ZNF680: variants seen among roughly 807,000 people sequenced by gnomAD.
ZNF680 encodes hypothetical protein FLJ90430.
ZNF680 carries 6 observed loss-of-function variants against 12.1 expected under a neutral mutation model. The observed-to-expected ratio is 0.49, with a 90% CI of 0.27 to 0.98. ZNF680 has a LOEUF of 0.98. Ranked by LOEUF, ZNF680 falls within the 50% of genes least tolerant of loss-of-function variation. ZNF680 has a pLI of 0.12. For synonymous variants in ZNF680, 170 were observed against 199.3 expected, an observed-to-expected ratio of 0.85 and a Z score of 1.24; for missense variants, 561 against 616.3, an observed-to-expected ratio of 0.91 and a Z score of 0.95.
chr7:64,502,022 T>G, the ZNF680 span, among the ~76,000 whole-genome samples: 2 of 117,882 alleles, frequency 1.7e-5, no homozygotes, highest in Admixed American at 8.4e-5. Context: ...TTTTTTTTCC[T>G]GAGATGGAGT....
intron 3 of ZNF680, among the ~76,000 whole-genome samples, chr7:64,531,612 A>AAC (rs1378829191): frequency 6.6e-6 from 1 of 151,750 alleles, no homozygotes; most frequent in Non-Finnish European, 1.5e-5. Flanking sequence ...AAAAAAAAAA[A>AAC]AAACCTAGAA....
chr7:64,546,578 T>C (rs1159936837), intron 1 of ZNF680, among the ~76,000 whole-genome samples: 1 of 151,938 alleles, frequency 6.6e-6, no homozygotes, highest in Non-Finnish European at 1.5e-5. Flanking sequence ...CCCATCTCTA[T>C]TAAAATACAA....
chr7:64,500,827 G>A, the ZNF680 span: 1 of 402,678 alleles, frequency 2.5e-6, no homozygotes, highest in Non-Finnish European at 5.0e-6. Flanking sequence ...CAAACACAAT[G>A]GCCAGCAATG....
intron 3 of ZNF680, among the ~76,000 whole-genome samples, chr7:64,540,762 A>AAT (rs3075957): frequency 0.23 from 34,255 of 152,072 alleles, 4,025 homozygotes; most frequent in South Asian, 0.28. Context: ...TAACTAAAGA[A>AAT]GTTTACTCAC....
chr7:64,546,195 C>G (rs954410738), intron 1 of ZNF680, among the ~76,000 whole-genome samples: 6 of 152,086 alleles, frequency 3.9e-5, no homozygotes, highest in Admixed American at 6.5e-5. Context: ...TGATCTGAGA[C>G]AGGTTTAAGT....
chr7:64,504,287 G>A, the ZNF680 span, among the ~76,000 whole-genome samples: 3 of 152,174 alleles, frequency 2.0e-5, no homozygotes, highest in South Asian at 2.1e-4. Context: ...AGGAAAGAAC[G>A]TGCTGCTATC....
chr7:64,539,599 A>G (rs934885711), intron 3 of ZNF680, among the ~76,000 whole-genome samples: 1 of 152,124 alleles, frequency 6.6e-6, no homozygotes, highest in Non-Finnish European at 1.5e-5. Context: ...TACAAGATGT[A>G]AAACTTTTAG....
the ZNF680 span, among the ~76,000 whole-genome samples, chr7:64,508,282 C>T: frequency 6.6e-6 from 1 of 151,230 alleles, no homozygotes; most frequent in Non-Finnish European, 1.5e-5. Flanking sequence ...TTTAAATTTA[C>T]TGGAGTGCTA....
intron 1 of ZNF680, chr7:64,561,193 A>G: frequency 6.4e-6 from 1 of 155,248 alleles, no homozygotes; most frequent in Admixed American, 6.5e-5. Flanking sequence ...TTTCCAAGGA[A>G]GAGTGCACCA....
intron 3 of ZNF680, among the ~76,000 whole-genome samples, chr7:64,540,306 T>C (rs934016589): frequency 1.1e-5 from 1 of 93,894 alleles, no homozygotes; most frequent in Non-Finnish European, 2.7e-5. Flanking sequence ...ATTTATCCTT[T>C]TTTTTTTTTT....
intron 3 of ZNF680, among the ~76,000 whole-genome samples, chr7:64,529,524 A>C (rs1785754148): frequency 1.3e-5 from 2 of 152,310 alleles, no homozygotes; most frequent in South Asian, 4.1e-4. Flanking sequence ...CAGCAATAGA[A>C]TTGAATGAAT....
chr7:64,507,604 T>C, the ZNF680 span, among the ~76,000 whole-genome samples: 1 of 151,586 alleles, frequency 6.6e-6, no homozygotes, highest in Non-Finnish European at 1.5e-5. Flanking sequence ...CGGGTTCACG[T>C]GATTCTCCTG....
In ZNF680 at chr7:64,563,022, T is replaced by A; in HGVS notation, c.-68A>T. The A allele has an allele frequency of 6.3e-7, 1 of 1,583,324 alleles. No homozygotes were observed. On this transcript the variant is annotated 5_prime_UTR_variant, in exon 1 of 4. Transcript: ENST00000309683. ...AGAGGCTGGGCCTCTAGGAGCAGAA[T>A]ACACAGAGCAGTAAAGACTAGACCT...
chr7:64,551,870 T>C (rs1787098628), intron 1 of ZNF680: 2 of 152,162 alleles, frequency 1.3e-5, no homozygotes, highest in Non-Finnish European at 2.9e-5. Flanking sequence ...AGAAAATATT[T>C]CCCTATAAAA....
intron 1 of ZNF680, 90 bp downstream of exon 1, chr7:64,562,835 T>C: frequency 6.7e-7 from 1 of 1,495,078 alleles, no homozygotes. Flanking sequence ...TGGAGCCCAG[T>C]GCTTGGAGCC....
chr7:64,540,473 T>A (rs1786444689), intron 3 of ZNF680, among the ~76,000 whole-genome samples: 1 of 151,996 alleles, frequency 6.6e-6, no homozygotes. Flanking sequence ...CCAGGCTAAT[T>A]TTTGTATTTT....
At chr7:64,530,627 G>A (rs538646154) in intron 3 of ZNF680, among the ~76,000 whole-genome samples, 3 of 152,202 alleles carry the variant, frequency 2.0e-5, no homozygotes, top group African/African-American at 7.2e-5. Flanking sequence ...TTGGGAGGCT[G>A]AGGCAGGTGG....
the ZNF680 span, among the ~76,000 whole-genome samples, chr7:64,510,023 TAAAAAAAAAA>T: frequency 9.4e-6 from 1 of 105,904 alleles, no homozygotes; most frequent in African/African-American, 3.8e-5. Context: ...CGTAAAACTC[TAAAAAAAAAA>T]AAAAAAAAAG....
intron 1 of ZNF680, among the ~76,000 whole-genome samples, chr7:64,549,252 A>G (rs1786944256): frequency 6.6e-6 from 1 of 152,148 alleles, no homozygotes; most frequent in Admixed American, 6.6e-5. Flanking sequence ...TTTTACAGGT[A>G]GATACAGCTG....
Sources: gnomAD v4.1 joint callset for allele counts (sites outside exome capture counted in the v4.1 genomes callset) on GRCh38, gnomAD v4.1.1 for gene constraint, MANE v1.5 for transcripts, NCBI Gene and HGNC (gene_info 2026-07-23, HGNC 2026-07-21) for gene names.